The following EYA2 variants were observed in gnomAD, a reference collection of about 807,000 sequenced individuals.
EYA2 encodes the protein protein phosphatase EYA2.
In EYA2, 31 loss-of-function variants were observed where a neutral mutation model predicts 69.2. The ratio of observed to expected loss-of-function variants is 0.45; its 90% CI spans 0.34 to 0.60. The LOEUF (loss-of-function observed/expected upper bound fraction) is 0.60, where lower values mean the gene tolerates loss of function less well. Among genes scored for constraint, EYA2 ranks in the 20% least tolerant of loss-of-function variants. The pLI, the probability that EYA2 is intolerant of heterozygous loss-of-function variation, is 0.02. For missense variants in EYA2, 622 were observed against 701.2 expected (o/e 0.89, Z 1.28); for synonymous variants, 257 against 279.4 (o/e 0.92, Z 0.80).
At chr20:47,148,914 C>T (rs914562502) in intron 10 of EYA2, among the ~76,000 whole-genome samples, 1 of 152,066 alleles carries the variant, frequency 6.6e-6, no homozygotes, top group African/African-American at 2.4e-5. Context: ...GGCCTCTGTC[C>T]CAGCCAAGCA....
chr20:47,103,880 T>A (rs924623530), intron 9 of EYA2, among the ~76,000 whole-genome samples: 6 of 152,256 alleles, frequency 3.9e-5, no homozygotes, highest in African/African-American at 1.4e-4. Context: ...TGGGCCATTA[T>A]GAATAATGCT....
chr20:46,962,433 G>C (rs1979531286), intron 1 of EYA2, among the ~76,000 whole-genome samples: 2 of 152,014 alleles, frequency 1.3e-5, no homozygotes, highest in Non-Finnish European at 2.9e-5. Context: ...ATATCACACT[G>C]TACCCTATAA....
At chr20:47,150,885 C>G (rs1028856493) in intron 10 of EYA2, among the ~76,000 whole-genome samples, 2 of 151,938 alleles carry the variant, frequency 1.3e-5, no homozygotes, top group Non-Finnish European at 2.9e-5. Flanking sequence ...CCACACCTTC[C>G]AAGGCAAGGG....
intron 9 of EYA2, among the ~76,000 whole-genome samples, chr20:47,115,858 A>G (rs992203932): frequency 1.3e-5 from 2 of 152,130 alleles, no homozygotes; most frequent in Admixed American, 6.5e-5. Context: ...GCCCCTGCCA[A>G]CCTTGCCAAC....
intron 1 of EYA2, among the ~76,000 whole-genome samples, chr20:46,916,960 G>A (rs1984935546): frequency 6.6e-6 from 1 of 152,126 alleles, no homozygotes; most frequent in Non-Finnish European, 1.5e-5. Context: ...TAAATTAGTA[G>A]TATTTCTTAG....
intron 9 of EYA2, among the ~76,000 whole-genome samples, chr20:47,124,729 G>A (rs868454774): frequency 6.6e-6 from 1 of 152,076 alleles, no homozygotes; most frequent in South Asian, 2.1e-4. Context: ...TCAATCCCAG[G>A]CAAATCAGGA....
At chr20:47,016,828 G>A (rs1983441929) in intron 5 of EYA2, among the ~76,000 whole-genome samples, 1 of 152,236 alleles carries the variant, frequency 6.6e-6, no homozygotes, top group African/African-American at 2.4e-5. Flanking sequence ...TGTAGGAGGA[G>A]AGAATCTTGG....
intron 5 of EYA2, among the ~76,000 whole-genome samples, chr20:47,028,795 G>T (rs1467501111): frequency 6.6e-6 from 1 of 152,220 alleles, no homozygotes. Flanking sequence ...GATGCCTCAT[G>T]AGCCAGCCCA....
chr20:46,953,116 G>T lies in EYA2; in HGVS notation c.-10-36885G>T, dbSNP rs1046273827. ...CCTAATATTAAAACTTGGAAAACAC[G>T]AAAGGGAGATACTTGAGTTGTGATC... is the stretch of plus-strand genomic sequence containing the variant. On this transcript the variant is annotated intron_variant, in intron 1 of 15. Transcript: ENST00000327619. Among the ~76,000 whole-genome samples the T allele has an allele frequency of 2.0e-5, 3 of 152,190 alleles. No homozygotes were observed. The South Asian group carries it at 6.2e-4, about 31-fold the overall frequency.
chr20:47,055,516 C>A (rs2030566184), intron 5 of EYA2, among the ~76,000 whole-genome samples: 1 of 152,128 alleles, frequency 6.6e-6, no homozygotes, highest in Admixed American at 6.5e-5. Flanking sequence ...TGCCTTGCTG[C>A]GACCGCCTTA....
At chr20:46,987,999 G>T (rs56233355) in intron 1 of EYA2, among the ~76,000 whole-genome samples, 1,300 of 36,976 alleles carry the variant, frequency 0.035, 118 homozygotes, top group African/African-American at 0.043. Flanking sequence ...TATATATATG[G>T]GGCAAAAAAA....
Position 47,172,767 on chromosome 20 carries a change from G to A in EYA2, c.1098G>A (p.Leu366=). The stretch of plus-strand genomic sequence containing the variant: ...CGGCCCCAGGAGCCAACCTGTGCCT[G>A]GGCTCTGGCGTGCACGGCGGCGTGG... ...HSSAPGANLC[L]GSGVHGGVDW... Residue 366 remains leucine (L), a synonymous_variant, in exon 12 of 16, where the codon CTG becomes CTA. Transcript: ENST00000327619. 3 of 1,614,124 alleles carry A rather than the reference G, an allele frequency of 1.9e-6. 1 individual carries two copies. The highest frequency in any genetic ancestry group is 8.5e-7 in the Non-Finnish European group (1 of 1,180,008).
At chr20:47,039,492 C>G (rs1984916437) in intron 5 of EYA2, among the ~76,000 whole-genome samples, 1 of 152,220 alleles carries the variant, frequency 6.6e-6, no homozygotes, top group African/African-American at 2.4e-5. Context: ...CCGTCTGTCC[C>G]TTTACAGAAA....
chr20:47,145,668 G>C (rs189584699), intron 10 of EYA2, among the ~76,000 whole-genome samples: 5 of 152,282 alleles, frequency 3.3e-5, no homozygotes, highest in Non-Finnish European at 7.4e-5. Flanking sequence ...GGAGGCCAAG[G>C]CGGGTGGATC....
chr20:47,062,679 A>G (rs757110461), intron 5 of EYA2, among the ~76,000 whole-genome samples: 3 of 152,154 alleles, frequency 2.0e-5, no homozygotes, highest in Non-Finnish European at 4.4e-5. Context: ...TTCGTGTTAC[A>G]TGGGAGGGCC....
intron 2 of EYA2, 99 bp downstream of exon 2, chr20:46,990,218 G>A: frequency 3.0e-6 from 2 of 659,336 alleles, no homozygotes; most frequent in Non-Finnish European, 5.6e-6. Context: ...CCAAAGTACT[G>A]TCCTTAGGAC....
intron 8 of EYA2, 54 bp downstream of exon 8, chr20:47,089,435 C>G (rs1046029014): frequency 6.4e-7 from 1 of 1,557,348 alleles, no homozygotes; most frequent in African/African-American, 1.4e-5. Flanking sequence ...ATCTGAGGCC[C>G]AAACAAGAGT....
At chr20:46,953,294 G>A (rs538085887) in intron 1 of EYA2, among the ~76,000 whole-genome samples, 2 of 152,182 alleles carry the variant, frequency 1.3e-5, no homozygotes, top group African/African-American at 2.4e-5. Flanking sequence ...AGAACTCCGC[G>A]GGTTAACCCA....
At chr20:47,097,366 T>C (rs761967106) in intron 9 of EYA2, among the ~76,000 whole-genome samples, 198 bp downstream of exon 9, 1 of 152,350 alleles carries the variant, frequency 6.6e-6, no homozygotes, top group Admixed American at 6.5e-5. Context: ...CCCCTTCTAT[T>C]GTCTTCCATG....
Sources: gnomAD v4.1 joint callset for allele counts (sites outside exome capture counted in the v4.1 genomes callset) on GRCh38, gnomAD v4.1.1 for gene constraint, MANE v1.5 for transcripts, NCBI Gene and HGNC (gene_info 2026-07-23, HGNC 2026-07-21) for gene names.